The following PTPRD variants were observed in gnomAD, a reference collection of about 807,000 sequenced individuals.
The protein encoded by PTPRD is receptor-type tyrosine-protein phosphatase delta.
PTPRD carries 34 observed loss-of-function variants against 214.5 expected under a neutral mutation model. That is an observed-to-expected ratio of 0.16 (90% confidence interval 0.12 to 0.21). PTPRD has a LOEUF of 0.21. Among genes scored for constraint, PTPRD ranks in the 10% least tolerant of loss-of-function variants. PTPRD has a pLI of 1.00. For synonymous variants in PTPRD, 1,128 were observed against 845.7 expected, an observed-to-expected ratio of 1.33 and a Z score of -5.79; for missense variants, 2,545 against 2,398.7, an observed-to-expected ratio of 1.06 and a Z score of -1.27.
chr9:8,837,720 T>G (rs941758615), intron 11 of PTPRD, among the ~76,000 whole-genome samples: 1 of 152,302 alleles, frequency 6.6e-6, no homozygotes. Flanking sequence ...CAGGCTGGTC[T>G]CAAACTTCTA....
chr9:8,745,175 C>G (rs542781953), intron 11 of PTPRD, among the ~76,000 whole-genome samples: 1 of 152,316 alleles, frequency 6.6e-6, no homozygotes, highest in South Asian at 2.1e-4. Flanking sequence ...TCTCATTTAA[C>G]AGACAATGCA....
chr9:8,445,475 G>C (rs2095687558), intron 34 of PTPRD, among the ~76,000 whole-genome samples: 1 of 152,070 alleles, frequency 6.6e-6, no homozygotes, highest in Non-Finnish European at 1.5e-5. Context: ...TTCACAGACT[G>C]ACAGGATATT....
intron 14 of PTPRD, among the ~76,000 whole-genome samples, chr9:8,536,456 T>C (rs2076955018): frequency 6.6e-6 from 1 of 151,764 alleles, no homozygotes; most frequent in African/African-American, 2.4e-5. Context: ...AATGTATATA[T>C]GTGTGTGTGT....
chr9:9,680,136 A>G (rs1015065297), intron 7 of PTPRD, among the ~76,000 whole-genome samples: 12 of 151,876 alleles, frequency 7.9e-5, no homozygotes, highest in Non-Finnish European at 1.5e-5. Flanking sequence ...ATAGCTTCTC[A>G]ACCTTACAGA....
intron 9 of PTPRD, among the ~76,000 whole-genome samples, chr9:9,221,111 C>G (rs1039414227): frequency 1.6e-4 from 24 of 152,032 alleles, no homozygotes; most frequent in Admixed American, 1.6e-3. Flanking sequence ...TTTCAAGTAT[C>G]GGCCTGGAAT....
chr9:8,693,061 T>C (rs767015912), intron 12 of PTPRD, among the ~76,000 whole-genome samples: 19 of 152,198 alleles, frequency 1.2e-4, no homozygotes, highest in Non-Finnish European at 1.8e-4. Flanking sequence ...AAATTGTAAA[T>C]GGTAACTCTA....
chr9:9,793,408 T>A (rs563221288), intron 5 of PTPRD, among the ~76,000 whole-genome samples: 4 of 152,110 alleles, frequency 2.6e-5, no homozygotes, highest in African/African-American at 4.8e-5. Flanking sequence ...TCTTCTATTA[T>A]CAGCAGCAAA....
intron 9 of PTPRD, among the ~76,000 whole-genome samples, chr9:9,216,853 T>A (rs1282881290): frequency 2.0e-5 from 3 of 152,148 alleles, no homozygotes; most frequent in South Asian, 4.1e-4. Context: ...TAAATAACCT[T>A]AAAATAATTT....
chr9:8,945,839 C>T (rs888588505), intron 11 of PTPRD, among the ~76,000 whole-genome samples: 1 of 152,158 alleles, frequency 6.6e-6, no homozygotes, highest in Non-Finnish European at 1.5e-5. Flanking sequence ...TCCTTCAAGT[C>T]TCAGTTTAAA....
intron 8 of PTPRD, among the ~76,000 whole-genome samples, chr9:9,498,905 ATACTT>A (rs1373612305): frequency 7.9e-5 from 12 of 152,014 alleles, no homozygotes; most frequent in African/African-American, 2.7e-4. Flanking sequence ...AGATCCATAA[ATACTT>A]TTCTTTAAAG....
intron 9 of PTPRD, among the ~76,000 whole-genome samples, chr9:9,245,287 A>T (rs1283011743): frequency 1.3e-5 from 2 of 151,534 alleles, no homozygotes; most frequent in African/African-American, 4.8e-5. Context: ...CCAAAGGAAT[A>T]TAAATCATGC....
intron 9 of PTPRD, among the ~76,000 whole-genome samples, chr9:9,251,460 T>C (rs1442354500): frequency 6.6e-6 from 1 of 152,100 alleles, no homozygotes; most frequent in African/African-American, 2.4e-5. Flanking sequence ...ATTTGGTAAT[T>C]CCTTCTCTTC....
intron 37 of PTPRD, among the ~76,000 whole-genome samples, chr9:8,382,662 A>T (rs1025190161): frequency 6.6e-6 from 1 of 152,070 alleles, no homozygotes; most frequent in Non-Finnish European, 1.5e-5. Context: ...CTAGATAAGG[A>T]CCCCAACATC....
chr9:8,530,862 C>G (rs1487322796), intron 14 of PTPRD, among the ~76,000 whole-genome samples: 2 of 151,970 alleles, frequency 1.3e-5, no homozygotes, highest in Non-Finnish European at 2.9e-5. Context: ...AATTGATGGA[C>G]TATTAAGGAA....
intron 2 of PTPRD, among the ~76,000 whole-genome samples, chr9:10,429,795 T>C (rs1357920106): frequency 6.6e-6 from 1 of 151,936 alleles, no homozygotes; most frequent in African/African-American, 2.4e-5. Flanking sequence ...AAAATGTATG[T>C]TATGAATTTC....
chr9:9,421,450 G>T (rs981586456), intron 8 of PTPRD, among the ~76,000 whole-genome samples: 1 of 151,950 alleles, frequency 6.6e-6, no homozygotes, highest in Non-Finnish European at 1.5e-5. Flanking sequence ...TTCTGAAAAC[G>T]AGTTGTTAAG....
At chr9:9,651,826 GTTTT>G (rs869105633) in intron 7 of PTPRD, among the ~76,000 whole-genome samples, 62 of 55,066 alleles carry the variant, frequency 1.1e-3, no homozygotes, top group African/African-American at 4.5e-3. Flanking sequence ...TTCAAGGTTT[GTTTT>G]TTTTTTTTTT....
At chr9:8,520,179 A>G (rs1488584627) in intron 20 of PTPRD, among the ~76,000 whole-genome samples, 1 of 152,176 alleles carries the variant, frequency 6.6e-6, no homozygotes. Context: ...AGTTTCACTA[A>G]GTCACATTTA....
rs2099883668 is a variant in PTPRD at position 9,158,842 on chromosome 9, T to G, written c.-143+24462A>C. Among the ~76,000 whole-genome samples, 3 of 152,074 alleles carry G rather than the reference T, an allele frequency of 2.0e-5. No homozygotes were observed. The South Asian group carries it at 6.2e-4, about 31-fold the overall frequency. ...TTAGCAAACTGAATTCAACAACACA[T>G]TAAAATAATCATTCACCATGATCAA... On this transcript the variant is annotated intron_variant, in intron 10 of 45. Coordinates refer to ENST00000381196, the MANE Select transcript of PTPRD (RefSeq NM_002839.4).
Sources: allele counts gnomAD v4.1 joint callset (sites outside exome capture counted in the v4.1 genomes callset), GRCh38; gene constraint gnomAD v4.1.1; transcripts MANE v1.5; gene names NCBI Gene and HGNC (gene_info 2026-07-23, HGNC 2026-07-21).